The following RPTOR variants were observed in gnomAD, a reference collection of about 807,000 sequenced individuals.
RPTOR encodes regulatory-associated protein of mTOR.
In RPTOR, 21 loss-of-function variants were observed where a neutral mutation model predicts 169.9. The observed-to-expected ratio is 0.12, with a 90% confidence interval of 0.09 to 0.18. RPTOR has a LOEUF of 0.18. Ranked by LOEUF, RPTOR falls within the 10% of genes least tolerant of loss-of-function variation. The probability of loss-of-function intolerance (pLI) is 1.00; values close to 1 mark genes in which losing one functional copy is unlikely to be tolerated. For missense variants in RPTOR, 1,133 were observed against 1,855.9 expected (o/e 0.61, Z 7.16); for synonymous variants, 732 against 753.2 (o/e 0.97, Z 0.46).
At position 80,721,536 on chromosome 17, in the gene RPTOR, G is replaced by A. The variant is rs866651804; in HGVS notation, c.508-9024G>A. Among the ~76,000 whole-genome samples the A allele has an allele frequency of 4.6e-5, 7 of 151,446 alleles. No individual in the cohort carries two copies. In the South Asian group the frequency reaches 6.2e-4, roughly 13 times the overall value. Reference sequence around the variant, plus strand: ...GGGCTCTCCTGGCTCACCCGGGGCCGTCAGGGCGCTGCAGTTTGCAGGAGC... The same window carrying A: ...GGGCTCTCCTGGCTCACCCGGGGCCATCAGGGCGCTGCAGTTTGCAGGAGC... On this transcript the variant is annotated intron_variant, in intron 4 of 33. Transcript: ENST00000306801. This position sits in a 1 kb window ranked among gnomAD's most constrained non-coding sequence, Gnocchi z 4.7.
chr17:80,575,579 T>C (rs1414571869), intron 1 of RPTOR, among the ~76,000 whole-genome samples: 1 of 152,142 alleles, frequency 6.6e-6, no homozygotes, highest in African/African-American at 2.4e-5. Flanking sequence ...CACGTGTGCA[T>C]ACATGCATGC....
chr17:80,825,945 C>A (rs1195129298), intron 9 of RPTOR, among the ~76,000 whole-genome samples: 1 of 152,144 alleles, frequency 6.6e-6, no homozygotes. Flanking sequence ...GGTGTCATGA[C>A]ACTGCTCGTG....
chr17:80,956,997 A>G (rs913600387), intron 28 of RPTOR, among the ~76,000 whole-genome samples: 5 of 152,260 alleles, frequency 3.3e-5, no homozygotes, highest in South Asian at 2.1e-4. Context: ...CCTGGGGCAT[A>G]GTCGAGTCAG....
chr17:80,923,318 G>A (rs772709473), intron 22 of RPTOR, among the ~76,000 whole-genome samples, 172 bp from the exon 23 acceptor site: 2 of 152,196 alleles, frequency 1.3e-5, no homozygotes, highest in African/African-American at 2.4e-5. Flanking sequence ...GCATGGACTC[G>A]GCACCAGCAG....
At chr17:80,872,257 G>A (rs985584109) in intron 13 of RPTOR, among the ~76,000 whole-genome samples, 1 of 152,220 alleles carries the variant, frequency 6.6e-6, no homozygotes, top group South Asian at 2.1e-4. Flanking sequence ...TGATGCTTTC[G>A]TCGTTTGGAA....
chr17:80,629,002 T>C (rs1221850267), intron 2 of RPTOR, among the ~76,000 whole-genome samples: 3 of 151,574 alleles, frequency 2.0e-5, no homozygotes, highest in African/African-American at 7.3e-5. Flanking sequence ...TGTTGGACAT[T>C]GTACCGCAGC....
intron 13 of RPTOR, among the ~76,000 whole-genome samples, chr17:80,879,158 G>A (rs2068156358): frequency 6.6e-6 from 1 of 152,068 alleles, no homozygotes; most frequent in Non-Finnish European, 1.5e-5. Flanking sequence ...TAACCCCTCC[G>A]GGATGAAAAC....
At chr17:80,687,673 G>A (rs573287134) in intron 3 of RPTOR, among the ~76,000 whole-genome samples, 1 of 152,314 alleles carries the variant, frequency 6.6e-6, no homozygotes, top group South Asian at 2.1e-4. Context: ...CCACGGAATG[G>A]TTGTCATCGG....
intron 3 of RPTOR, among the ~76,000 whole-genome samples, chr17:80,649,637 T>C (rs1158009855): frequency 6.6e-6 from 1 of 152,216 alleles, no homozygotes; most frequent in Non-Finnish European, 1.5e-5. Flanking sequence ...AGACAATATC[T>C]TCTGGTGGTC....
At position 80,959,339 on chromosome 17, in the gene RPTOR, G is replaced by C. The variant is rs1384895557; in HGVS notation, c.3478-739G>C. 6.6e-6 allele frequency among the ~76,000 whole-genome samples: 1 copy of C among 152,194 alleles called. No homozygotes were observed. The highest frequency in any genetic ancestry group is 2.4e-5 in the African/African-American group (1 of 41,450). On this transcript the variant is annotated intron_variant, in intron 29 of 33. Coordinates refer to ENST00000306801, the MANE Select transcript of RPTOR (RefSeq NM_020761.3). This position sits in a 1 kb window ranked among gnomAD's most constrained non-coding sequence, Gnocchi z 6.7. ...TCACCAGTGGGGGCTTAGAGGCCCA[G>C]GTGGCCTGCGGGGCAGGTGCTGTTC...
intron 9 of RPTOR, among the ~76,000 whole-genome samples, chr17:80,828,493 C>T (rs773337276): frequency 1.3e-5 from 2 of 152,240 alleles, no homozygotes; most frequent in East Asian, 3.8e-4. Flanking sequence ...GGCCGAGACC[C>T]GCCTGGCTTG....
chr17:80,775,999 T>C (rs72852750), intron 6 of RPTOR, among the ~76,000 whole-genome samples: 5,183 of 151,186 alleles, frequency 0.034, 121 homozygotes, highest in South Asian at 0.064. Flanking sequence ...AAAATTATAG[T>C]GCTTGCAAGG....
Position 80,844,474 on chromosome 17 carries a change from G to T in RPTOR, c.1213-1999G>T, listed in dbSNP as rs74727111. ...GCCTTCTCTAACTCAGGAGAATTAC[G>T]TTCTCGCGGGATGTGGAGGAGGGGG... is the stretch of plus-strand genomic sequence containing the variant. On this transcript the variant is annotated intron_variant, in intron 10 of 33. Transcript: ENST00000306801. This position sits in a 1 kb window ranked among gnomAD's most constrained non-coding sequence, Gnocchi z 4.7. Among the ~76,000 whole-genome samples, 1,836 of 152,260 alleles carry T rather than the reference G, an allele frequency of 0.012. 34 individuals carry two copies. The highest frequency in any genetic ancestry group is 0.043 in the African/African-American group (1,775 of 41,538).
chr17:80,675,822 A>C (rs955727670), intron 3 of RPTOR, among the ~76,000 whole-genome samples: 2 of 152,138 alleles, frequency 1.3e-5, no homozygotes, highest in East Asian at 3.9e-4. Flanking sequence ...TTCACTTGTT[A>C]GTGAGAGGAA....
At chr17:80,546,754 T>C (rs1390123907) in intron 1 of RPTOR, among the ~76,000 whole-genome samples, 1 of 152,216 alleles carries the variant, frequency 6.6e-6, no homozygotes, top group Non-Finnish European at 1.5e-5. Flanking sequence ...GTTGAACATA[T>C]ATAAGATTAC....
intron 24 of RPTOR, among the ~76,000 whole-genome samples, chr17:80,932,225 G>A (rs2068906862): frequency 6.6e-6 from 1 of 151,526 alleles, no homozygotes; most frequent in Non-Finnish European, 1.5e-5. Context: ...ATTAGGAGAG[G>A]CTGGGCATGG....
In RPTOR at chr17:80,695,844, G is replaced by A. The variant is rs1042018793; in HGVS notation, c.349-11997G>A. Among the ~76,000 whole-genome samples, 1 of 152,198 alleles carries A rather than the reference G, an allele frequency of 6.6e-6. No individual in the cohort carries two copies. Among genetic ancestry groups the A allele is most frequent in the Non-Finnish European group, 1.5e-5 (1 of 68,036 alleles). ...CGTTGGGGGTGGCTGGAGCTGGTGG[G>A]CCAAGGGCCGCAGACCACTTTTGCC... On this transcript the variant is annotated intron_variant, in intron 3 of 33. Coordinates refer to ENST00000306801, the MANE Select transcript of RPTOR (RefSeq NM_020761.3). This position sits in a 1 kb window ranked among gnomAD's most constrained non-coding sequence, Gnocchi z 4.9.
intron 6 of RPTOR, among the ~76,000 whole-genome samples, chr17:80,782,445 A>G (rs1378253348): frequency 1.3e-5 from 2 of 152,102 alleles, no homozygotes; most frequent in Non-Finnish European, 2.9e-5. Context: ...CCACAAAGCC[A>G]TTCTACATCC....
At chr17:80,582,226 G>A (rs918750106) in intron 1 of RPTOR, among the ~76,000 whole-genome samples, 11 of 152,340 alleles carry the variant, frequency 7.2e-5, no homozygotes, top group African/African-American at 2.6e-4. Context: ...TGGATTCAGA[G>A]GACAGCTCAG....
Sources: allele counts gnomAD v4.1 joint callset (sites outside exome capture counted in the v4.1 genomes callset), GRCh38; gene constraint gnomAD v4.1.1; non-coding constraint Gnocchi (gnomAD v3.1); transcripts MANE v1.5; gene names NCBI Gene and HGNC (gene_info 2026-07-23, HGNC 2026-07-21).